The following CSMD3 variants were observed in gnomAD, a reference collection of about 807,000 sequenced individuals.
CSMD3 encodes the protein CUB and sushi domain-containing protein 3.
Under a neutral mutation model 435.2 loss-of-function variants are expected in CSMD3, and 177 were observed. The ratio of observed to expected loss-of-function variants is 0.41; its 90% confidence interval spans 0.36 to 0.46. CSMD3 has a LOEUF of 0.46. CSMD3 is among the 20% of genes least tolerant of loss of function. The probability of loss-of-function intolerance (pLI) is 0.34; values close to 1 mark genes in which losing one functional copy is unlikely to be tolerated. For missense variants in CSMD3, 4,265 were observed against 4,504.6 expected (o/e 0.95, Z 1.52); for synonymous variants, 1,656 against 1,520.5 (o/e 1.09, Z -2.07).
chr8:113,356,990 A>C (rs1220271495), intron 1 of CSMD3, among the ~76,000 whole-genome samples: 3 of 152,162 alleles, frequency 2.0e-5, no homozygotes, highest in African/African-American at 7.2e-5. Flanking sequence ...TAAAATAGGC[A>C]AATATGAATC....
intron 32 of CSMD3, among the ~76,000 whole-genome samples, chr8:112,410,585 C>CATATGTGTATATATATGTGTATATATAT (rs1563912646): frequency 2.2e-4 from 16 of 74,042 alleles, no homozygotes; most frequent in African/African-American, 8.9e-4. Flanking sequence ...TATATACATA[C>CATATGTGTATATATATGTGTATATATAT]ATATGTATAT....
chr8:112,402,770 T>A (rs1831449758), intron 35 of CSMD3, among the ~76,000 whole-genome samples: 1 of 152,210 alleles, frequency 6.6e-6, no homozygotes, highest in South Asian at 2.1e-4. Flanking sequence ...TATGTGTCTG[T>A]CTTCAATTAT....
intron 22 of CSMD3, among the ~76,000 whole-genome samples, chr8:112,631,661 T>C (rs1285557489): frequency 6.6e-6 from 1 of 152,086 alleles, no homozygotes; most frequent in Non-Finnish European, 1.5e-5. Flanking sequence ...GTAGATAGCA[T>C]TGAACAAATA....
intron 4 of CSMD3, among the ~76,000 whole-genome samples, chr8:113,119,845 A>G (rs2090936852): frequency 6.6e-6 from 1 of 152,122 alleles, no homozygotes. Flanking sequence ...AAATTGTAAT[A>G]ACAGAATTAT....
At chr8:113,083,864 C>G (rs2089656992) in intron 5 of CSMD3, among the ~76,000 whole-genome samples, 1 of 151,958 alleles carries the variant, frequency 6.6e-6, no homozygotes, top group Non-Finnish European at 1.5e-5. Flanking sequence ...GCCCCAGTTA[C>G]TCAGAAGGCT....
chr8:112,486,289 C>T (rs2130821462), intron 31 of CSMD3, among the ~76,000 whole-genome samples: 1 of 152,036 alleles, frequency 6.6e-6, no homozygotes, highest in Middle Eastern at 3.4e-3. Flanking sequence ...AATACAAAGT[C>T]CTTTGCAGAA....
At chr8:113,406,527 C>T (rs2094533490) in intron 1 of CSMD3, among the ~76,000 whole-genome samples, 1 of 151,896 alleles carries the variant, frequency 6.6e-6, no homozygotes, top group Non-Finnish European at 1.5e-5. Flanking sequence ...GAAAACGAAC[C>T]TGGAGTAAAG....
chr8:113,373,959 T>A (rs1200555936), intron 1 of CSMD3, among the ~76,000 whole-genome samples: 1 of 152,104 alleles, frequency 6.6e-6, no homozygotes, highest in African/African-American at 2.4e-5. Flanking sequence ...TGGGAGTTGG[T>A]GAATTAACAT....
At chr8:112,358,637 C>T (rs1366139527) in intron 38 of CSMD3, among the ~76,000 whole-genome samples, 3 of 152,168 alleles carry the variant, frequency 2.0e-5, no homozygotes, top group Non-Finnish European at 4.4e-5. Context: ...CCTCTCTTTG[C>T]CTGCTATCAT....
intron 13 of CSMD3, among the ~76,000 whole-genome samples, chr8:112,707,232 T>C (rs563803414): frequency 3.9e-4 from 60 of 152,184 alleles, no homozygotes; most frequent in African/African-American, 1.3e-3. Context: ...AAATATAATT[T>C]TGTATATCTA....
At chr8:112,628,584 G>T (rs1834684801) in intron 22 of CSMD3, among the ~76,000 whole-genome samples, 1 of 152,126 alleles carries the variant, frequency 6.6e-6, no homozygotes, top group South Asian at 2.1e-4. Context: ...CTTTGTTCAT[G>T]TAAATGAAAG....
intron 9 of CSMD3, among the ~76,000 whole-genome samples, chr8:112,927,702 T>C (rs977119816): frequency 6.6e-6 from 1 of 152,136 alleles, no homozygotes; most frequent in African/African-American, 2.4e-5. Flanking sequence ...CTTCAAAACA[T>C]AATGAATACC....
chr8:112,513,301 A>G (rs1262767186), intron 28 of CSMD3, among the ~76,000 whole-genome samples: 1 of 152,196 alleles, frequency 6.6e-6, no homozygotes, highest in Non-Finnish European at 1.5e-5. Flanking sequence ...CTTTTAATTT[A>G]CAGTGACAGA....
chr8:112,380,416 A>G lies in CSMD3; in HGVS notation c.6072T>C (p.Asn2024=), dbSNP rs199660219. 7 of 1,602,912 alleles carry G rather than the reference A, an allele frequency of 4.4e-6. No individual in the cohort carries two copies. The highest frequency in any genetic ancestry group is 6.0e-6 in the Non-Finnish European group (7 of 1,170,156). ...IPHLLNSTSN[N]LYLNFQSDIS... Reference sequence around the variant, plus strand: ...TGTCTGATTGAAAATTTAGATACAGATTATTAGACGTACTATTCAAAAGAT... The same window carrying G: ...TGTCTGATTGAAAATTTAGATACAGGTTATTAGACGTACTATTCAAAAGAT... Residue 2024 remains asparagine, a synonymous_variant, in exon 38 of 71, where the codon AAT becomes AAC. Transcript: ENST00000297405.
chr8:112,464,451 T>G (rs188807890), intron 32 of CSMD3, among the ~76,000 whole-genome samples: 1 of 152,038 alleles, frequency 6.6e-6, no homozygotes, highest in Non-Finnish European at 1.5e-5. Context: ...TTGAGATACT[T>G]TGGAGGAAGA....
chr8:113,241,942 A>T (rs2093222707), intron 3 of CSMD3, among the ~76,000 whole-genome samples: 1 of 150,514 alleles, frequency 6.6e-6, no homozygotes, highest in African/African-American at 2.5e-5. Context: ...TTATATAAAA[A>T]ATTACTATAT....
rs749397297 is a variant in CSMD3 at position 112,954,688 on chromosome 8, A to G, written c.1416T>C (p.Ser472=). The G allele has an allele frequency of 6.6e-5, 105 of 1,593,288 alleles. No homozygotes were observed. Among genetic ancestry groups the G allele is most frequent in the Non-Finnish European group, 8.7e-5 (101 of 1,162,378 alleles). Residue 472 remains serine (S), a synonymous_variant, in exon 8 of 71, where the codon TCT becomes TCC. Coordinates refer to ENST00000297405, the MANE Select transcript of CSMD3 (RefSeq NM_198123.2). The stretch of plus-strand genomic sequence containing the variant: ...ACAAAAAAGAAGTACACTCACAGAT[A>G]GAAAACTTGTTGCTGTTGTCTTTCC... ...FPGKDNSNKF[S]ILNEGGIKTA...
intron 4 of CSMD3, 81 bp downstream of exon 4, chr8:113,173,641 G>A (rs536610706): frequency 2.2e-5 from 25 of 1,146,244 alleles, no homozygotes; most frequent in East Asian, 9.5e-5. Context: ...TTTAGATTCC[G>A]TAGAAGAAAC....
chr8:113,045,972 T>C (rs2087812047), intron 5 of CSMD3, among the ~76,000 whole-genome samples: 1 of 149,690 alleles, frequency 6.7e-6, no homozygotes, highest in Non-Finnish European at 1.5e-5. Flanking sequence ...ACGACCCTTT[T>C]TACTTTTGCC....
Sources: allele counts gnomAD v4.1 joint callset (sites outside exome capture counted in the v4.1 genomes callset), GRCh38; gene constraint gnomAD v4.1.1; transcripts MANE v1.5; gene names NCBI Gene and HGNC (gene_info 2026-07-23, HGNC 2026-07-21).